AGBL4: variants seen among roughly 807,000 people sequenced by gnomAD.
The protein encoded by AGBL4 is cytosolic carboxypeptidase 6.
AGBL4 carries 58 observed loss-of-function variants against 66.4 expected under a neutral mutation model. That is an observed-to-expected ratio of 0.87 (90% CI 0.71 to 1.09). The LOEUF is 1.09. AGBL4 is among the 50% of genes least tolerant of loss of function. The pLI is 0.00. For missense variants in AGBL4, 579 were observed against 631.0 expected (o/e 0.92, Z 0.88); for synonymous variants, 234 against 222.9 (o/e 1.05, Z -0.44).
intron 7 of AGBL4, among the ~76,000 whole-genome samples, chr1:48,658,921 G>A (rs1646063073): frequency 6.6e-6 from 1 of 152,098 alleles, no homozygotes; most frequent in Non-Finnish European, 1.5e-5. Context: ...ACCCTGAGGA[G>A]TGAACTTCCT....
chr1:49,872,160 T>A (rs76759903), intron 1 of AGBL4, among the ~76,000 whole-genome samples: 10 of 152,038 alleles, frequency 6.6e-5, no homozygotes, highest in South Asian at 2.1e-4. Flanking sequence ...GTCAAGAAAA[T>A]TTTTTTAAGC....
intron 6 of AGBL4, among the ~76,000 whole-genome samples, chr1:48,801,341 C>G (rs371499303): frequency 3.9e-5 from 6 of 152,274 alleles, no homozygotes; most frequent in African/African-American, 1.4e-4. Flanking sequence ...ACAGCCATTC[C>G]CATTTACCTC....
intron 2 of AGBL4, among the ~76,000 whole-genome samples, chr1:49,698,694 A>C (rs1647031716): frequency 6.6e-6 from 1 of 152,128 alleles, no homozygotes; most frequent in Admixed American, 6.6e-5. Flanking sequence ...AAGGCTTAAT[A>C]AAATTACTAT....
At chr1:49,005,412 T>TCATCC (rs1178068189) in intron 5 of AGBL4, among the ~76,000 whole-genome samples, 1 of 152,212 alleles carries the variant, frequency 6.6e-6, no homozygotes, top group African/African-American at 2.4e-5. Context: ...TCATCCCACT[T>TCATCC]CATCCCACAT....
At chr1:49,883,924 C>G in intron 1 of AGBL4, among the ~76,000 whole-genome samples, 1 of 152,024 alleles carries the variant, frequency 6.6e-6, no homozygotes, top group Middle Eastern at 3.4e-3. Context: ...AGTTATTATT[C>G]TCAGAGAAAT....
chr1:48,858,508 T>C (rs1647240428), intron 6 of AGBL4, among the ~76,000 whole-genome samples: 1 of 152,186 alleles, frequency 6.6e-6, no homozygotes. Flanking sequence ...AGGAATGAAG[T>C]ATGCTGATAC....
chr1:48,856,146 C>G (rs1647144926), intron 6 of AGBL4, among the ~76,000 whole-genome samples: 2 of 152,212 alleles, frequency 1.3e-5, no homozygotes, highest in African/African-American at 4.8e-5. Flanking sequence ...ATATTTTCAT[C>G]ACTATAAATT....
At chr1:49,378,435 T>C (rs1427459643) in intron 3 of AGBL4, among the ~76,000 whole-genome samples, 1 of 151,950 alleles carries the variant, frequency 6.6e-6, no homozygotes, top group East Asian at 1.9e-4. Flanking sequence ...CCTAACACTG[T>C]TGAGGAGATT....
At chr1:48,959,174 A>C (rs1342811708) in intron 5 of AGBL4, among the ~76,000 whole-genome samples, 1 of 152,226 alleles carries the variant, frequency 6.6e-6, no homozygotes, top group Non-Finnish European at 1.5e-5. Flanking sequence ...ATTTTCCTAT[A>C]TAATCTTAAA....
In AGBL4 at chr1:49,415,650, G is replaced by A. The variant is rs555276139; in HGVS notation, c.283-169786C>T. 2.6e-5 allele frequency among the ~76,000 whole-genome samples: 4 copies of A among 152,238 alleles called. No individual in the cohort carries two copies. In the East Asian group the frequency reaches 7.7e-4, roughly 29 times the overall value. Reference sequence around the variant, plus strand: ...TATGAACTTTATCCTTAAAGCAAAGGAGAGTGAGAGATGGATTTTAAGGAG... The same window carrying A: ...TATGAACTTTATCCTTAAAGCAAAGAAGAGTGAGAGATGGATTTTAAGGAG... On this transcript the variant is annotated intron_variant, in intron 3 of 13. Coordinates refer to ENST00000371839, the MANE Select transcript of AGBL4 (RefSeq NM_032785.4).
intron 6 of AGBL4, among the ~76,000 whole-genome samples, chr1:48,773,483 C>T (rs1644933155): frequency 6.6e-6 from 1 of 151,990 alleles, no homozygotes; most frequent in Admixed American, 6.6e-5. Flanking sequence ...AAGAGATAGG[C>T]GGGTGGGGGA....
intron 6 of AGBL4, among the ~76,000 whole-genome samples, chr1:48,739,432 C>A (rs1409055857): frequency 6.6e-6 from 1 of 152,186 alleles, no homozygotes; most frequent in Non-Finnish European, 1.5e-5. Flanking sequence ...CCATTCTGTT[C>A]ACTACTACTT....
At chr1:49,674,371 C>G (rs1179395880) in intron 3 of AGBL4, among the ~76,000 whole-genome samples, 1 of 151,892 alleles carries the variant, frequency 6.6e-6, no homozygotes, top group Non-Finnish European at 1.5e-5. Flanking sequence ...TTCATGACAC[C>G]TCCTCTACAA....
chr1:48,783,976 C>A (rs1645355209), intron 6 of AGBL4, among the ~76,000 whole-genome samples: 1 of 152,134 alleles, frequency 6.6e-6, no homozygotes, highest in Admixed American at 6.5e-5. Flanking sequence ...GTTATGATTT[C>A]TTCATCTGAA....
At chr1:49,436,150 T>C (rs1339849918) in intron 3 of AGBL4, among the ~76,000 whole-genome samples, 1 of 151,626 alleles carries the variant, frequency 6.6e-6, no homozygotes, top group Non-Finnish European at 1.5e-5. Context: ...GAGGTAGCAG[T>C]GGATTAGAGG....
chr1:49,145,785 T>A (rs1646206632), intron 4 of AGBL4, among the ~76,000 whole-genome samples: 1 of 152,154 alleles, frequency 6.6e-6, no homozygotes, highest in African/African-American at 2.4e-5. Flanking sequence ...AATAAGTGTA[T>A]CAAAGAGATA....
At chr1:49,398,333 T>TTCTCTCTCTCTCTCTCTCTCTCTCTCTC (rs36025670) in intron 3 of AGBL4, among the ~76,000 whole-genome samples, 2 of 143,600 alleles carry the variant, frequency 1.4e-5, no homozygotes, top group Non-Finnish European at 3.0e-5. Context: ...CTCTCTCTCT[T>TTCTCTCTCTCTCTCTCTCTCTCTCTCTC]TCTCTCTCTC....
At chr1:49,272,740 G>A (rs536891316) in intron 3 of AGBL4, among the ~76,000 whole-genome samples, 10 of 152,132 alleles carry the variant, frequency 6.6e-5, no homozygotes, top group African/African-American at 2.4e-4. Flanking sequence ...AAACTGGAAA[G>A]TCTTTATGTC....
chr1:49,179,275 G>A (rs1319300050), intron 4 of AGBL4, among the ~76,000 whole-genome samples: 1 of 152,088 alleles, frequency 6.6e-6, no homozygotes, highest in Non-Finnish European at 1.5e-5. Flanking sequence ...TACCAGTGGA[G>A]ATAGTGAGAA....
Sources: allele counts gnomAD v4.1 joint callset (sites outside exome capture counted in the v4.1 genomes callset), GRCh38; gene constraint gnomAD v4.1.1; transcripts MANE v1.5; gene names NCBI Gene and HGNC (gene_info 2026-07-23, HGNC 2026-07-21).